The following PTPRD variants were observed in gnomAD, a reference collection of about 807,000 sequenced individuals.
The protein encoded by PTPRD is receptor-type tyrosine-protein phosphatase delta.
In PTPRD, 34 loss-of-function variants were observed where a neutral mutation model predicts 214.5. The ratio of observed to expected loss-of-function variants is 0.16; its 90% confidence interval spans 0.12 to 0.21. The LOEUF (loss-of-function observed/expected upper bound fraction) is 0.21. PTPRD is among the 10% of genes least tolerant of loss of function. The pLI, the probability that PTPRD is intolerant of heterozygous loss-of-function variation, is 1.00. For synonymous variants in PTPRD, 1,128 were observed against 845.7 expected (o/e 1.33, Z -5.79); for missense variants, 2,545 against 2,398.7 (o/e 1.06, Z -1.27).
chr9:8,659,517 A>G (rs948899201), intron 12 of PTPRD, among the ~76,000 whole-genome samples: 2 of 152,230 alleles, frequency 1.3e-5, no homozygotes, highest in Non-Finnish European at 2.9e-5. Flanking sequence ...TCCATCCAGG[A>G]ATATATCTTT....
intron 11 of PTPRD, among the ~76,000 whole-genome samples, chr9:8,897,704 C>T (rs2098631615): frequency 6.6e-6 from 1 of 152,172 alleles, no homozygotes; most frequent in Non-Finnish European, 1.5e-5. Flanking sequence ...AAAGAGCCTC[C>T]TCTGGGAATC....
intron 3 of PTPRD, among the ~76,000 whole-genome samples, chr9:10,242,894 G>C (rs2091377013): frequency 6.6e-6 from 1 of 151,116 alleles, no homozygotes; most frequent in African/African-American, 2.4e-5. Flanking sequence ...AATGAAAATT[G>C]CTGGAGTTTG....
chr9:10,464,198 G>C (rs1248703931), intron 2 of PTPRD, among the ~76,000 whole-genome samples: 1 of 152,038 alleles, frequency 6.6e-6, no homozygotes, highest in Non-Finnish European at 1.5e-5. Flanking sequence ...AGGAGTTTCA[G>C]ACCAGCCTGA....
At chr9:9,450,908 C>T (rs977781172) in intron 8 of PTPRD, among the ~76,000 whole-genome samples, 2 of 148,474 alleles carry the variant, frequency 1.3e-5, no homozygotes, top group Admixed American at 6.8e-5. Flanking sequence ...GGCAAAAATA[C>T]TGGTGAATAT....
At chr9:9,286,059 TA>T (rs896808619) in intron 9 of PTPRD, among the ~76,000 whole-genome samples, 5 of 151,860 alleles carry the variant, frequency 3.3e-5, no homozygotes, top group African/African-American at 1.2e-4. Flanking sequence ...AATTCTATCC[TA>T]AAAAATGTTG....
intron 5 of PTPRD, among the ~76,000 whole-genome samples, chr9:9,875,614 T>C (rs2066625685): frequency 6.6e-6 from 1 of 152,112 alleles, no homozygotes; most frequent in African/African-American, 2.4e-5. Flanking sequence ...AATAGAATTA[T>C]TGTAGGTTAA....
intron 3 of PTPRD, among the ~76,000 whole-genome samples, chr9:10,340,040 A>C (rs1287551949): frequency 6.6e-5 from 10 of 151,758 alleles, no homozygotes. Context: ...TCTCTAAAGA[A>C]AATGATTTTA....
chr9:9,200,846 A>C (rs1490329846), intron 9 of PTPRD, among the ~76,000 whole-genome samples: 1 of 152,230 alleles, frequency 6.6e-6, no homozygotes, highest in African/African-American at 2.4e-5. Flanking sequence ...TAAAGCTTAC[A>C]CAAAACCATC....
At chr9:8,501,676 A>G (rs77809181) in intron 23 of PTPRD, among the ~76,000 whole-genome samples, 5,644 of 152,104 alleles carry the variant, frequency 0.037, 168 homozygotes, top group Non-Finnish European at 0.062. Flanking sequence ...TTTTAATAAT[A>G]AAAAAAATGT....
At chr9:8,350,672 C>CAGAT (rs1218708341) in intron 39 of PTPRD, among the ~76,000 whole-genome samples, 1 of 152,118 alleles carries the variant, frequency 6.6e-6, no homozygotes, top group Non-Finnish European at 1.5e-5. Context: ...AACAGACCCA[C>CAGAT]AGATAGGTTA....
chr9:9,842,275 C>T (rs1313703338), intron 5 of PTPRD, among the ~76,000 whole-genome samples: 1 of 142,076 alleles, frequency 7.0e-6, no homozygotes, highest in Non-Finnish European at 1.5e-5. Context: ...ACACAAAAAA[C>T]TCAAAGTCTA....
At chr9:9,986,729 G>C (rs1158503044) in intron 4 of PTPRD, among the ~76,000 whole-genome samples, 2 of 152,086 alleles carry the variant, frequency 1.3e-5, no homozygotes, top group Non-Finnish European at 2.9e-5. Flanking sequence ...TTATCACTTA[G>C]AAAATAATTA....
At chr9:9,161,061 G>C (rs911041253) in intron 10 of PTPRD, among the ~76,000 whole-genome samples, 18 of 152,106 alleles carry the variant, frequency 1.2e-4, no homozygotes, top group Non-Finnish European at 5.9e-5. Context: ...AGGTGGGATG[G>C]AATGAAGTGC....
chr9:8,665,276 T>C (rs1326448777), intron 12 of PTPRD, among the ~76,000 whole-genome samples: 1 of 152,216 alleles, frequency 6.6e-6, no homozygotes, highest in Non-Finnish European at 1.5e-5. Context: ...GTCTTAATAC[T>C]CTCCCAGCTG....
intron 2 of PTPRD, among the ~76,000 whole-genome samples, chr9:10,541,334 C>T (rs7849472): frequency 0.03 from 4,546 of 152,152 alleles, 109 homozygotes; most frequent in East Asian, 0.092. Context: ...ATCCAATTGA[C>T]GGAACTTATT....
chr9:9,340,134 C>G (rs1046267403), intron 9 of PTPRD, among the ~76,000 whole-genome samples: 1 of 151,818 alleles, frequency 6.6e-6, no homozygotes, highest in Admixed American at 6.6e-5. Context: ...CTCTAGAAAC[C>G]GCTAAAGACA....
chr9:10,139,094 G>C lies in PTPRD; in HGVS notation c.-544-105304C>G, dbSNP rs142808773. On this transcript the variant is annotated intron_variant, in intron 3 of 45. Coordinates refer to ENST00000381196, the MANE Select transcript of PTPRD (RefSeq NM_002839.4). ...AGGCATCCAAATAGAAAAAGAAGAA[G>C]TCAAACTATCTTTCTTCGCTAATGA... 1.3e-3 allele frequency among the ~76,000 whole-genome samples: 191 copies of C among 152,084 alleles called. 3 individuals carry two copies. Among genetic ancestry groups the C allele is most frequent in the African/African-American group, 4.5e-3 (186 of 41,492 alleles).
intron 2 of PTPRD, among the ~76,000 whole-genome samples, chr9:10,505,891 A>T (rs944894949): frequency 4.6e-5 from 7 of 152,186 alleles, no homozygotes; most frequent in Admixed American, 3.3e-4. Context: ...TAGATATATC[A>T]ATACATAAGC....
intron 12 of PTPRD, among the ~76,000 whole-genome samples, chr9:8,681,963 A>G (rs1390469240): frequency 1.3e-5 from 2 of 152,188 alleles, no homozygotes; most frequent in East Asian, 3.9e-4. Flanking sequence ...GACAATGGAA[A>G]TCTCCAAAAA....
Sources: gnomAD v4.1 joint callset for allele counts (sites outside exome capture counted in the v4.1 genomes callset) on GRCh38, gnomAD v4.1.1 for gene constraint, MANE v1.5 for transcripts, NCBI Gene and HGNC (gene_info 2026-07-23, HGNC 2026-07-21) for gene names.